RIMS2: variants seen among roughly 807,000 people sequenced by gnomAD.
RIMS2 encodes the protein regulating synaptic membrane exocytosis protein 2.
A neutral mutation model predicts 174.4 loss-of-function variants in RIMS2; 59 were observed. The ratio of observed to expected loss-of-function variants is 0.34; its 90% confidence interval spans 0.27 to 0.42. RIMS2 has a LOEUF of 0.42. RIMS2 is among the 10% of genes least tolerant of loss of function. The pLI, the probability that RIMS2 is intolerant of heterozygous loss-of-function variation, is 1.00. For synonymous variants in RIMS2, 606 were observed against 572.5 expected, an observed-to-expected ratio of 1.06 and a Z score of -0.84; for missense variants, 1,620 against 1,666.3, an observed-to-expected ratio of 0.97 and a Z score of 0.48.
chr8:103,815,565 G>T (rs2098713437), intron 3 of RIMS2, among the ~76,000 whole-genome samples: 1 of 152,088 alleles, frequency 6.6e-6, no homozygotes, highest in East Asian at 1.9e-4. Flanking sequence ...CTCTCTGCTG[G>T]ACTCAATGTA....
intron 17 of RIMS2, chr8:103,998,272 G>A: frequency 6.4e-7 from 1 of 1,556,750 alleles, no homozygotes; most frequent in Non-Finnish European, 8.8e-7. Flanking sequence ...TTACAATTGA[G>A]TCTGTTTGTG....
chr8:104,070,334 C>T (rs1354579941), intron 19 of RIMS2, among the ~76,000 whole-genome samples: 1 of 152,102 alleles, frequency 6.6e-6, no homozygotes, highest in Non-Finnish European at 1.5e-5. Context: ...TAAAGCCAGA[C>T]AAAAGTAAAT....
chr8:103,707,444 G>A (rs547348519), intron 2 of RIMS2, among the ~76,000 whole-genome samples: 1 of 148,784 alleles, frequency 6.7e-6, no homozygotes, highest in South Asian at 2.1e-4. Flanking sequence ...AGGGTACTGA[G>A]TATTTACTTA....
chr8:103,945,410 G>C (rs1422492396), intron 14 of RIMS2, among the ~76,000 whole-genome samples: 1 of 151,998 alleles, frequency 6.6e-6, no homozygotes. Context: ...ATAAGAAAGA[G>C]AAAGGGAATA....
chr8:103,514,407 G>A (rs140690570), intron 1 of RIMS2, among the ~76,000 whole-genome samples: 362 of 152,278 alleles, frequency 2.4e-3, no homozygotes, highest in African/African-American at 8.4e-3. Flanking sequence ...TAAAGGAGGT[G>A]TATGTCATAT....
chr8:103,664,057 T>C (rs899578807), intron 1 of RIMS2, among the ~76,000 whole-genome samples: 1 of 152,196 alleles, frequency 6.6e-6, no homozygotes, highest in East Asian at 1.9e-4. Context: ...TCAATGGTGC[T>C]GGGAAAACTG....
At chr8:103,849,214 G>C (rs1483952292) in intron 3 of RIMS2, among the ~76,000 whole-genome samples, 1 of 152,028 alleles carries the variant, frequency 6.6e-6, no homozygotes, top group Non-Finnish European at 1.5e-5. Context: ...AGCAGTGATG[G>C]AGTGTTCATT....
intron 2 of RIMS2, among the ~76,000 whole-genome samples, chr8:103,726,859 C>G (rs971311380): frequency 6.6e-6 from 1 of 150,814 alleles, no homozygotes; most frequent in African/African-American, 2.4e-5. Flanking sequence ...CTGCCTCAGC[C>G]TCCCAAGTAG....
chr8:103,969,601 T>TGTCC (rs2092609841), intron 15 of RIMS2, among the ~76,000 whole-genome samples: 2 of 152,340 alleles, frequency 1.3e-5, no homozygotes, highest in East Asian at 1.9e-4. Context: ...TCCTGCAGGC[T>TGTCC]GTCCACTTTA....
chr8:104,010,807 C>A (rs2095738010), intron 17 of RIMS2, among the ~76,000 whole-genome samples: 1 of 152,012 alleles, frequency 6.6e-6, no homozygotes, highest in African/African-American at 2.4e-5. Context: ...CTTTGGTAAT[C>A]TGATAAAACC....
chr8:103,573,565 A>G (rs1031048923), intron 1 of RIMS2, among the ~76,000 whole-genome samples: 1 of 151,988 alleles, frequency 6.6e-6, no homozygotes, highest in African/African-American at 2.4e-5. Flanking sequence ...CTATTCTGCT[A>G]TGTTGGTCCC....
intron 15 of RIMS2, among the ~76,000 whole-genome samples, chr8:103,970,051 G>A (rs2092687093): frequency 6.6e-6 from 1 of 152,098 alleles, no homozygotes; most frequent in African/African-American, 2.4e-5. Flanking sequence ...TCCCCAGCCT[G>A]TAGTTGTTTT....
In RIMS2 at chr8:103,577,208, G is replaced by A. The variant is rs2093313302; in HGVS notation, c.176+76146G>A. Among the ~76,000 whole-genome samples the A allele has an allele frequency of 3.3e-5, 5 of 152,094 alleles. No homozygotes were observed. The South Asian group carries it at 1.0e-3, about 32-fold the overall frequency. On this transcript the variant is annotated intron_variant, in intron 1 of 23. Coordinates refer to ENST00000504942, the Ensembl canonical transcript of RIMS2. ...AAGGGCTAATATCTAGAATCTACAA[G>A]GAACTAAACAAATTTGCAAGAAAAA...
intron 1 of RIMS2, among the ~76,000 whole-genome samples, chr8:103,509,696 T>C (rs749627148): frequency 6.6e-6 from 1 of 152,106 alleles, no homozygotes; most frequent in Admixed American, 6.6e-5. Flanking sequence ...GGTAGAGTTA[T>C]GGAAAGGGGA....
At chr8:103,888,278 A>G (rs2099218493) in intron 4 of RIMS2, among the ~76,000 whole-genome samples, 1 of 151,736 alleles carries the variant, frequency 6.6e-6, no homozygotes, top group Middle Eastern at 3.4e-3. Context: ...GGGATATTTC[A>G]TATTTGTTGC....
At chr8:103,929,712 C>G (rs2079523700) in intron 11 of RIMS2, among the ~76,000 whole-genome samples, 4 of 151,930 alleles carry the variant, frequency 2.6e-5, no homozygotes, top group Admixed American at 2.6e-4. Context: ...CAATTAAACA[C>G]TCCTGCATTT....
At chr8:104,132,067 T>C (rs1344477821) in intron 19 of RIMS2, among the ~76,000 whole-genome samples, 1 of 152,190 alleles carries the variant, frequency 6.6e-6, no homozygotes, top group African/African-American at 2.4e-5. Flanking sequence ...TCTGTTTCTG[T>C]TACAATCAAA....
At chr8:103,688,639 T>G (rs2096972167) in intron 1 of RIMS2, among the ~76,000 whole-genome samples, 1 of 152,048 alleles carries the variant, frequency 6.6e-6, no homozygotes, top group Admixed American at 6.6e-5. Context: ...TTTGGATGCA[T>G]TCTCTTCTAT....
rs1247896150 is a variant in RIMS2 at position 103,579,954 on chromosome 8, G to C, written c.176+78892G>C. 2.0e-5 allele frequency among the ~76,000 whole-genome samples: 3 copies of C among 152,120 alleles called. No individual in the cohort carries two copies. In the East Asian group the frequency reaches 5.8e-4, roughly 29 times the overall value. On this transcript the variant is annotated intron_variant, in intron 1 of 23. Transcript: ENST00000504942. The stretch of plus-strand genomic sequence containing the variant: ...GCACATTTTTAAACAACCAGATCTG[G>C]TGAGAACTCACTCACTATCATGAGA...
Sources: allele counts gnomAD v4.1 joint callset (sites outside exome capture counted in the v4.1 genomes callset), GRCh38; gene constraint gnomAD v4.1.1; transcripts MANE v1.5; gene names NCBI Gene and HGNC (gene_info 2026-07-23, HGNC 2026-07-21).